Variants in TNNT3 observed in about 807,000 individuals in gnomAD.
TNNT3 encodes troponin T, fast skeletal muscle.
Under a neutral mutation model 54.2 loss-of-function variants are expected in TNNT3, and 36 were observed. The ratio of observed to expected loss-of-function variants is 0.66; its 90% CI spans 0.51 to 0.88. The LOEUF (loss-of-function observed/expected upper bound fraction) is 0.88, where lower values mean the gene tolerates loss of function less well. TNNT3 is among the 40% of genes least tolerant of loss of function. The pLI, the probability that TNNT3 is intolerant of heterozygous loss-of-function variation, is 0.00. For missense variants in TNNT3, 291 were observed against 331.6 expected (o/e 0.88, Z 0.95); for synonymous variants, 120 against 109.7 (o/e 1.09, Z -0.59).
intron 14 of TNNT3, chr11:1,935,550 G>A: frequency 5.8e-6 from 1 of 173,734 alleles, no homozygotes; most frequent in Non-Finnish European, 1.2e-5. Flanking sequence ...GCGGCCTCAG[G>A]GACTGGGGTA....
In TNNT3 at chr11:1,936,388, G is replaced by A. The variant is rs144143151; in HGVS notation, c.682-575G>A. On this transcript the variant is annotated intron_variant, in intron 14 of 15. Transcript: ENST00000278317. Reference sequence around the variant, plus strand: ...GGCCTGGAGCCTTCCTCCTGCCCCCGCTCTCCCCTCGTGCCTGCAGCCGGG... The same window carrying A: ...GGCCTGGAGCCTTCCTCCTGCCCCCACTCTCCCCTCGTGCCTGCAGCCGGG... 7.2e-5 allele frequency: 73 copies of A among 1,008,644 alleles called. No homozygotes were observed. The Middle Eastern group carries it at 8.3e-4, about 11-fold the overall frequency. The allele number at this position is 1,008,644 out of a possible 1,614,324, so 62.5% of individuals were successfully genotyped here.
chr11:1,923,115 A>G, intron 3 of TNNT3, 54 bp downstream of exon 3: 3 of 1,610,398 alleles, frequency 1.9e-6, no homozygotes, highest in Non-Finnish European at 1.7e-6. Context: ...GAAGGCTCAC[A>G]TGTGGGCAGG....
chr11:1,926,671 G>A (rs1203755787), intron 5 of TNNT3, 24 bp from the exon 6 acceptor site: 1 of 1,613,378 alleles, frequency 6.2e-7, no homozygotes, highest in Admixed American at 1.7e-5. Flanking sequence ...CGCCCTTTCT[G>A]CCACCATGAC....
rs1345701605 is a variant in TNNT3, at chr11:1,934,877, C to T, written c.639C>T (p.Asp213=). ...LWETLHQLEI[D]KFEFGEKLKR... ...AGACCCTGCACCAGCTGGAGATTGA[C>T]AAGTTCGAGTTTGGGGAGAAGCTGA... Residue 213 remains aspartate (D), a synonymous_variant, in exon 14 of 16, where the codon GAC becomes GAT. Transcript: ENST00000278317. 6.2e-7 allele frequency: 1 copy of T among 1,613,554 alleles called. No individual in the cohort carries two copies. The highest frequency in any genetic ancestry group is 1.3e-5 in the African/African-American group (1 of 74,944).
At chr11:1,927,472 C>T (rs73413025) in intron 6 of TNNT3, among the ~76,000 whole-genome samples, 34,344 of 152,134 alleles carry the variant, frequency 0.23, 4,434 homozygotes, top group African/African-American at 0.35. Context: ...TCCTCCCTGC[C>T]GGGCCTGAGC....
At chr11:1,927,658 G>A (rs1226539762) in intron 6 of TNNT3, among the ~76,000 whole-genome samples, 4 of 152,166 alleles carry the variant, frequency 2.6e-5, no homozygotes, top group Non-Finnish European at 5.9e-5. Context: ...AGCAGGGCAG[G>A]GTGGGGCAGG....
intron 8 of TNNT3, among the ~76,000 whole-genome samples, chr11:1,930,969 A>C (rs1253289140): frequency 6.6e-6 from 1 of 152,186 alleles, no homozygotes; most frequent in African/African-American, 2.4e-5. Flanking sequence ...AAGAAATAAA[A>C]AGCCTTATTT....
Position 1,933,845 on chromosome 11 carries a change from G to A in TNNT3, c.288+8G>A. On this transcript the variant is annotated splice_region_variant and intron_variant, in intron 10 of 15. Transcript: ENST00000278317. Reference sequence around the variant, plus strand: ...GCTCTCAAAGAGAGAATCGTGAGTGGGGCAGTTCAGGTTGCAGCAGGGGCT... The same window carrying A: ...GCTCTCAAAGAGAGAATCGTGAGTGAGGCAGTTCAGGTTGCAGCAGGGGCT... 6.2e-7 allele frequency: 1 copy of A among 1,612,238 alleles called. No individual in the cohort carries two copies. Among genetic ancestry groups the A allele is most frequent in the Non-Finnish European group, 8.5e-7 (1 of 1,179,494 alleles).
chr11:1,923,900 G>A (rs1759167364), intron 4 of TNNT3, among the ~76,000 whole-genome samples: 1 of 149,798 alleles, frequency 6.7e-6, no homozygotes, highest in African/African-American at 2.5e-5. Flanking sequence ...ACTGGGGCTG[G>A]TCATGAAGGC....
In TNNT3 at chr11:1,927,107, C is replaced by G. The variant is rs546476739; in HGVS notation, c.82+398C>G. On this transcript the variant is annotated intron_variant, in intron 6 of 15. Transcript: ENST00000278317. ...GCGCAGGAGAGGCCTCCACCCTGCC[C>G]CAGTTAGCAAGCCAGAAGCGGGAAG... Among the ~76,000 whole-genome samples the G allele has an allele frequency of 1.1e-4, 16 of 152,212 alleles. No homozygotes were observed. The South Asian group carries it at 2.5e-3, about 24-fold the overall frequency.
At position 1,933,933 on chromosome 11, in the gene TNNT3, G is replaced by A. The variant is rs1200673949; in HGVS notation, c.291G>A (p.Glu97=). The A allele has an allele frequency of 1.9e-6, 3 of 1,612,810 alleles. No individual in the cohort carries two copies. The highest frequency in any genetic ancestry group is 2.2e-5 in the East Asian group (1 of 44,872). ...CAGACCCCCTTCTCTGGCTGCAGGA[G>A]AAGCGCCGTGCAGAGAGAGCGGAGC... ...EELVALKERI[E]KRRAERAEQQ... The change falls in exon 11 of 16, where the codon GAG becomes GAA. Residue 97 remains glutamate, a splice_region_variant and synonymous_variant. Transcript: ENST00000278317.
intron 6 of TNNT3, among the ~76,000 whole-genome samples, chr11:1,927,427 G>A (rs1447957953): frequency 1.3e-5 from 2 of 152,154 alleles, no homozygotes; most frequent in Non-Finnish European, 2.9e-5. Context: ...GTGCTTCTCA[G>A]CTCCCCCCGT....
chr11:1,924,354 G>A (rs1201710219), intron 4 of TNNT3, among the ~76,000 whole-genome samples: 1 of 152,220 alleles, frequency 6.6e-6, no homozygotes, highest in Admixed American at 6.5e-5. Context: ...AACCGTGTGG[G>A]GTGGCGGTTC....
chr11:1,921,638 TAA>T (rs2133218019), intron 1 of TNNT3: 1 of 152,310 alleles, frequency 6.6e-6, no homozygotes, highest in Non-Finnish European at 1.5e-5. Context: ...GCATGGAGCT[TAA>T]GTTGCTCTGG....
Position 1,925,129 on chromosome 11 carries a change from C to G in TNNT3, c.67+13C>G, listed in dbSNP as rs750329369. 6.2e-7 allele frequency: 1 copy of G among 1,612,664 alleles called. No homozygotes were observed. Among genetic ancestry groups the G allele is most frequent in the East Asian group, 2.2e-5 (1 of 44,856 alleles). On this transcript the variant is annotated intron_variant, in intron 5 of 15. Coordinates refer to ENST00000278317, the MANE Select transcript of TNNT3 (RefSeq NM_006757.4). ...GCCCAGGAGGAAGGTAAGTGGGGTC[C>G]AAGGCCCCGGCCCCCATGCCCACTC...
At chr11:1,931,170 G>A (rs1853241000) in intron 8 of TNNT3, among the ~76,000 whole-genome samples, 1 of 151,978 alleles carries the variant, frequency 6.6e-6, no homozygotes, top group Non-Finnish European at 1.5e-5. Context: ...TCCATCAATT[G>A]GACAAACCAT....
rs367652893 is a variant in TNNT3, at chr11:1,933,697, C to T, written c.172-24C>T. The T allele has an allele frequency of 5.1e-5, 80 of 1,581,148 alleles. 1 individual carries two copies. The highest frequency in any genetic ancestry group is 3.7e-5 in the Non-Finnish European group (43 of 1,151,180). The stretch of plus-strand genomic sequence containing the variant: ...AGAGGTTGGAGAGAGGGGTGGGGCT[C>T]ACACCCACTGCCCCTGCCCACAGGA... On this transcript the variant is annotated intron_variant, in intron 9 of 15. Coordinates refer to ENST00000278317, the MANE Select transcript of TNNT3 (RefSeq NM_006757.4).
At chr11:1,929,207 G>C in intron 7 of TNNT3, 64 bp downstream of exon 7, 1 of 1,580,278 alleles carries the variant, frequency 6.3e-7, no homozygotes, top group East Asian at 2.2e-5. Context: ...GAGGGAAAGA[G>C]GACAGGCTGG....
At chr11:1,935,331 G>C in intron 14 of TNNT3, 2 of 326,114 alleles carry the variant, frequency 6.1e-6, no homozygotes, top group South Asian at 5.3e-5. Context: ...CCTTTCGACA[G>C]AGCCTCCTCC....
Sources: gnomAD v4.1 joint callset for allele counts (sites outside exome capture counted in the v4.1 genomes callset) on GRCh38, gnomAD v4.1.1 for gene constraint, MANE v1.5 for transcripts, NCBI Gene and HGNC (gene_info 2026-07-23, HGNC 2026-07-21) for gene names.